GRIN2B: variants seen among roughly 807,000 people sequenced by gnomAD.
The protein encoded by GRIN2B is glutamate ionotropic receptor NMDA type subunit 2B.
In GRIN2B, 5 loss-of-function variants were observed where a neutral mutation model predicts 114.5. The ratio of observed to expected loss-of-function variants is 0.04; its 90% confidence interval spans 0.02 to 0.09. GRIN2B has a LOEUF of 0.09. Among genes scored for constraint, GRIN2B ranks in the 10% least tolerant of loss-of-function variants. The pLI, the probability that GRIN2B is intolerant of heterozygous loss-of-function variation, is 1.00. For missense variants in GRIN2B, 1,108 were observed against 1,943.5 expected (o/e 0.57, Z 8.08); for synonymous variants, 787 against 745.1 (o/e 1.06, Z -0.92).
chr12:13,797,725 T>C (rs182138049), intron 3 of GRIN2B, among the ~76,000 whole-genome samples: 23 of 152,342 alleles, frequency 1.5e-4, no homozygotes, highest in African/African-American at 5.5e-4. Context: ...ATATTCTTGT[T>C]TGATGGACTT....
chr12:13,771,904 A>G (rs935432743), intron 3 of GRIN2B, among the ~76,000 whole-genome samples: 11 of 152,242 alleles, frequency 7.2e-5, no homozygotes, highest in Admixed American at 3.3e-4. Context: ...CTAGAACAGC[A>G]TGGGCTCCTG....
chr12:13,564,247 G>A lies in GRIN2B; in HGVS notation c.2991C>T (p.Ala997=), dbSNP rs766092483. The A allele has an allele frequency of 2.5e-6, 4 of 1,614,172 alleles. No individual in the cohort carries two copies. The highest frequency in any genetic ancestry group is 3.4e-6 in the Non-Finnish European group (4 of 1,180,032). Residue 997 remains alanine (A), a synonymous_variant, in exon 14 of 14, where the codon GCC becomes GCT. Transcript: ENST00000609686. The surrounding 1 kb of genome is among the most constrained non-coding windows in gnomAD (Gnocchi z 4.8). ...HHHRPHSIGS[A]SSIDGLYDCD... is the part of the protein sequence containing the mutation. ...AGTCGTAGAGCCCATCGATGGAGCT[G>A]GCACTGCCAATACTATGGGGCCGGT...
At chr12:13,832,237 C>G (rs1230563122) in intron 3 of GRIN2B, among the ~76,000 whole-genome samples, 1 of 152,176 alleles carries the variant, frequency 6.6e-6, no homozygotes, top group Non-Finnish European at 1.5e-5. Flanking sequence ...TAAAAAGATA[C>G]AGAAGAACAT....
At chr12:13,832,989 A>G (rs183505746) in intron 3 of GRIN2B, among the ~76,000 whole-genome samples, 246 of 152,322 alleles carry the variant, frequency 1.6e-3, no homozygotes, top group Middle Eastern at 0.01. Flanking sequence ...AATAAAACAT[A>G]TCATGAATAA....
chr12:13,776,803 T>C (rs924369006), intron 3 of GRIN2B, among the ~76,000 whole-genome samples: 1 of 152,040 alleles, frequency 6.6e-6, no homozygotes, highest in East Asian at 1.9e-4. Context: ...AACATGATTA[T>C]CAAAGCAAGG....
chr12:13,781,712 T>C (rs1864118025), intron 3 of GRIN2B, among the ~76,000 whole-genome samples: 2 of 152,186 alleles, frequency 1.3e-5, no homozygotes. Flanking sequence ...ATGCCAATTA[T>C]AGCACAGTAG....
At chr12:13,904,538 ATT>A (rs1277502592) in intron 2 of GRIN2B, among the ~76,000 whole-genome samples, 4 of 152,182 alleles carry the variant, frequency 2.6e-5, no homozygotes, top group South Asian at 2.1e-4. Context: ...GCTAATAATC[ATT>A]TAGTTTCCCA....
rs1390037531 is a variant in GRIN2B, at chr12:13,651,257, C to A, written c.1125+24488G>T. On this transcript the variant is annotated intron_variant, in intron 5 of 13. Transcript: ENST00000609686. ...AAGAAATGACAAGGGCAATGTGGGC[C>A]CAGGAATGGTCTTTGATAGTGGAGT... Among the ~76,000 whole-genome samples, 3 of 152,008 alleles carry A rather than the reference C, an allele frequency of 2.0e-5. 1 individual carries two copies. The highest frequency in any genetic ancestry group is 7.2e-5 in the African/African-American group (3 of 41,400).
chr12:13,607,227 T>G (rs1949269366), intron 10 of GRIN2B, among the ~76,000 whole-genome samples: 1 of 99,540 alleles, frequency 1.0e-5, no homozygotes, highest in East Asian at 2.3e-4. Context: ...ATATAAAATA[T>G]ATAATATATA....
At chr12:13,885,665 G>C (rs1866143331) in intron 2 of GRIN2B, among the ~76,000 whole-genome samples, 1 of 152,078 alleles carries the variant, frequency 6.6e-6, no homozygotes. Flanking sequence ...CGCTTAACAA[G>C]GCTTTTATGT....
At chr12:13,610,877 G>C (rs1949358345) in intron 9 of GRIN2B, among the ~76,000 whole-genome samples, 1 of 152,168 alleles carries the variant, frequency 6.6e-6, no homozygotes. Context: ...ATGCCCCATA[G>C]ATCATTCTTA....
intron 2 of GRIN2B, among the ~76,000 whole-genome samples, chr12:13,912,507 C>A (rs1176336755): frequency 6.6e-6 from 1 of 152,140 alleles, no homozygotes. Context: ...GGAGTATGGC[C>A]GGTCTAAGAG....
chr12:13,863,076 G>A (rs1035701672), intron 3 of GRIN2B, among the ~76,000 whole-genome samples: 1 of 152,230 alleles, frequency 6.6e-6, no homozygotes, highest in African/African-American at 2.4e-5. Flanking sequence ...AGAAAGACAT[G>A]ATGGAATATT....
chr12:13,829,523 G>A (rs984033300), intron 3 of GRIN2B, among the ~76,000 whole-genome samples: 9 of 152,180 alleles, frequency 5.9e-5, no homozygotes, highest in African/African-American at 1.9e-4. Context: ...TTCTTTCTTT[G>A]CTCCCACTCC....
At chr12:13,621,926 G>A (rs1309746799) in intron 5 of GRIN2B, among the ~76,000 whole-genome samples, 1 of 152,086 alleles carries the variant, frequency 6.6e-6, no homozygotes, top group South Asian at 2.1e-4. Context: ...AAAGACCACA[G>A]AGACTGTGTT....
At chr12:13,679,742 A>G (rs566439945) in intron 4 of GRIN2B, among the ~76,000 whole-genome samples, 2 of 152,286 alleles carry the variant, frequency 1.3e-5, no homozygotes, top group East Asian at 3.9e-4. Flanking sequence ...TGCCCTTTGA[A>G]TAGCAGAACA....
intron 3 of GRIN2B, among the ~76,000 whole-genome samples, chr12:13,794,206 T>TTA (rs780086278): frequency 4.8e-5 from 1 of 20,708 alleles, no homozygotes; most frequent in African/African-American, 2.4e-4. Flanking sequence ...AGACTCTGTC[T>TTA]CAAAAAAAAA....
In GRIN2B at chr12:13,871,145, T is replaced by C. The variant is rs141690055; in HGVS notation, c.-18-4919A>G. Among the ~76,000 whole-genome samples the C allele has an allele frequency of 1.2e-3, 190 of 152,204 alleles. 3 individuals are homozygous for C. In the East Asian group the frequency reaches 0.036, roughly 29 times the overall value. ...ACAAAAGATCTTATTAACTAAGACA[T>C]AAAAGATTTTTTTAAAGCATGAGTT... On this transcript the variant is annotated intron_variant, in intron 2 of 13. Transcript: ENST00000609686.
intron 3 of GRIN2B, among the ~76,000 whole-genome samples, chr12:13,852,375 G>A (rs1865582185): frequency 1.3e-5 from 2 of 152,292 alleles, no homozygotes; most frequent in South Asian, 2.1e-4. Context: ...AGGAGAAGCA[G>A]CCATTTAGTT....
Sources: gnomAD v4.1 joint callset for allele counts (sites outside exome capture counted in the v4.1 genomes callset) on GRCh38, gnomAD v4.1.1 for gene constraint, Gnocchi (gnomAD v3.1) non-coding constraint, MANE v1.5 for transcripts, NCBI Gene and HGNC (gene_info 2026-07-23, HGNC 2026-07-21) for gene names.